The following FAHD2B variants were observed in gnomAD, a reference collection of about 807,000 sequenced individuals.
FAHD2B encodes the protein oxaloacetate tautomerase FAHD2B, mitochondrial.
Under a neutral mutation model 33.7 loss-of-function variants are expected in FAHD2B, and 26 were observed. That is an observed-to-expected ratio of 0.77 (90% CI 0.57 to 1.07). The LOEUF is 1.07. Ranked by LOEUF, FAHD2B falls within the 50% of genes least tolerant of loss-of-function variation. FAHD2B has a pLI of 0.00. For synonymous variants in FAHD2B, 108 were observed against 150.9 expected, an observed-to-expected ratio of 0.72 and a Z score of 2.08; for missense variants, 272 against 388.1, an observed-to-expected ratio of 0.70 and a Z score of 2.51.
downstream of FAHD2B, among the ~76,000 whole-genome samples, chr2:97,080,022 T>C (rs2031589558): frequency 6.6e-6 from 1 of 152,088 alleles, no homozygotes; most frequent in Admixed American, 6.6e-5. Context: ...TTGCAAAACT[T>C]TTCTCTCATT....
At chr2:97,082,342 C>G (rs946051928), downstream of FAHD2B, 15 of 1,606,072 alleles carry the variant, frequency 9.3e-6, no homozygotes, top group African/African-American at 1.7e-4. Context: ...CCTTGCAGTC[C>G]TCGAGGCAGG....
intron 4 of FAHD2B, 116 bp downstream of exon 4, chr2:97,089,993 G>A (rs2032233507): frequency 2.2e-6 from 3 of 1,348,438 alleles, no homozygotes; most frequent in Admixed American, 4.1e-5. Flanking sequence ...TAATCCTGTA[G>A]AGTTTCTGTT....
intron 3 of FAHD2B, 124 bp downstream of exon 3, chr2:97,091,338 A>G (rs1327978317): frequency 9.7e-7 from 1 of 1,027,900 alleles, no homozygotes; most frequent in Non-Finnish European, 1.4e-6. Context: ...AACGGGAGAA[A>G]AGGAAAGGTG....
At chr2:97,090,368 G>GT in intron 3 of FAHD2B, 43 bp from the exon 4 acceptor site, 1 of 1,476,944 alleles carries the variant, frequency 6.8e-7, no homozygotes, top group South Asian at 1.4e-5. Flanking sequence ...CTGGGAACAG[G>GT]TGGGCAATCC....
downstream of FAHD2B, chr2:97,082,013 G>A (rs561008699): frequency 2.5e-3 from 3,864 of 1,558,878 alleles, 28 homozygotes; most frequent in Non-Finnish European, 2.9e-3. Flanking sequence ...TGTGACACAG[G>A]GCAACGGCGA....
downstream of FAHD2B, chr2:97,082,274 C>T (rs2031672303): frequency 1.9e-6 from 3 of 1,573,798 alleles, no homozygotes; most frequent in Non-Finnish European, 2.6e-6. Context: ...GGCCTTTGCA[C>T]AGGCTGCCGC....
At chr2:97,079,131 C>T (rs935452990), downstream of FAHD2B, among the ~76,000 whole-genome samples, 3 of 152,086 alleles carry the variant, frequency 2.0e-5, no homozygotes, top group Admixed American at 6.6e-5. Flanking sequence ...CATAGTATTT[C>T]GTGGTGTATA....
At chr2:97,080,778 T>C (rs1399937823), downstream of FAHD2B, among the ~76,000 whole-genome samples, 1 of 152,040 alleles carries the variant, frequency 6.6e-6, no homozygotes, top group Non-Finnish European at 1.5e-5. Context: ...GGTTTGTTGT[T>C]CTCTTTGTAA....
At chr2:97,082,676 G>C (rs1053704514), downstream of FAHD2B, 4 of 1,578,296 alleles carry the variant, frequency 2.5e-6, no homozygotes, top group African/African-American at 2.7e-5. Flanking sequence ...TCCCTACCTA[G>C]AGCCTTCACT....
At chr2:97,092,934 C>T (rs1275225503) in intron 1 of FAHD2B, among the ~76,000 whole-genome samples, 5 of 134,156 alleles carry the variant, frequency 3.7e-5, no homozygotes, top group African/African-American at 1.1e-4. Flanking sequence ...GAACATGCCA[C>T]ATCCCTCCAG....
At chr2:97,081,468 G>A (rs985681578), downstream of FAHD2B, 126 of 1,581,958 alleles carry the variant, frequency 8.0e-5, no homozygotes, top group Non-Finnish European at 1.0e-4. Context: ...CTACTGTCAG[G>A]AGGTGCTGGA....
At chr2:97,081,491 A>G, downstream of FAHD2B, 1 of 1,580,770 alleles carries the variant, frequency 6.3e-7, no homozygotes, top group Non-Finnish European at 8.6e-7. Flanking sequence ...GGCTCATCCA[A>G]TGCGGGCTCC....
chr2:97,083,062 T>C, downstream of FAHD2B: 2 of 1,403,972 alleles, frequency 1.4e-6, no homozygotes, highest in South Asian at 1.5e-5. Context: ...GGCAGGTTTC[T>C]GGGGGACAGG....
At chr2:97,093,664 G>C (rs1363802991) in intron 1 of FAHD2B, among the ~76,000 whole-genome samples, 1 of 151,910 alleles carries the variant, frequency 6.6e-6, no homozygotes, top group Admixed American at 6.6e-5. Context: ...TAGTAGAGAC[G>C]GTGTTTCACT....
intron 4 of FAHD2B, among the ~76,000 whole-genome samples, chr2:97,089,287 G>C (rs193189514): frequency 2.8e-3 from 428 of 151,562 alleles, no homozygotes; most frequent in Admixed American, 5.2e-3. Context: ...TTGGGAGGCT[G>C]AGGCAGGCAG....
chr2:97,082,615 G>C, downstream of FAHD2B: 3 of 1,562,932 alleles, frequency 1.9e-6, no homozygotes, highest in Non-Finnish European at 2.6e-6. Context: ...ATCCCTCCCG[G>C]GGCTTCTTTA....
Position 97,085,729 on chromosome 2 carries a change from G to A in FAHD2B, c.655C>T (p.Pro219Ser), listed in dbSNP as rs757130289. The change falls in exon 6 of 9, where the codon CCT becomes TCT. Residue 219 changes from proline to serine, a missense_variant. Coordinates refer to ENST00000414820, the MANE Select transcript of FAHD2B (RefSeq NM_001320848.2). ...ACACTGTCCTTGGTCACCAAGGCAGGGCCCAGAGGGCAGAAGGTGTCGAAG... is the reference window on the plus strand; with the variant it reads ...ACACTGTCCTTGGTCACCAAGGCAGAGCCCAGAGGGCAGAAGGTGTCGAAG... ...KTFDTFCPLG[P>S]ALVTKDSVAD... 6 of 1,613,772 alleles carry A rather than the reference G, an allele frequency of 3.7e-6. No homozygotes were observed. Among genetic ancestry groups the A allele is most frequent in the Non-Finnish European group, 1.7e-6 (2 of 1,179,834 alleles).
At chr2:97,092,309 A>C (rs1463464609) in intron 1 of FAHD2B, among the ~76,000 whole-genome samples, 2 of 152,152 alleles carry the variant, frequency 1.3e-5, no homozygotes, top group African/African-American at 4.8e-5. Context: ...CACATGATCA[A>C]GCTAGAACCT....
chr2:97,081,627 G>A, downstream of FAHD2B: 1 of 1,467,104 alleles, frequency 6.8e-7, no homozygotes, highest in Non-Finnish European at 9.0e-7. Context: ...TGTGCTGTGG[G>A]GGTGGGCAGC....
Sources: allele counts gnomAD v4.1 joint callset (sites outside exome capture counted in the v4.1 genomes callset), GRCh38; gene constraint gnomAD v4.1.1; transcripts MANE v1.5; gene names NCBI Gene and HGNC (gene_info 2026-07-23, HGNC 2026-07-21).